The following GALNT17 variants were observed in gnomAD, a reference collection of about 807,000 sequenced individuals.
GALNT17 encodes UDP-GalNAc:polypeptide N-acetylgalactosaminyltransferase-like 3.
In GALNT17, 29 loss-of-function variants were observed where a neutral mutation model predicts 63.7. The observed-to-expected ratio is 0.46, with a 90% CI of 0.34 to 0.62. The LOEUF is 0.62. GALNT17 is among the 20% of genes least tolerant of loss of function. The probability of loss-of-function intolerance (pLI) is 0.01; values close to 1 mark genes in which losing one functional copy is unlikely to be tolerated. For synonymous variants in GALNT17, 305 were observed against 318.3 expected (o/e 0.96, Z 0.45); for missense variants, 603 against 799.6 (o/e 0.75, Z 2.97).
intron 2 of GALNT17, among the ~76,000 whole-genome samples, chr7:71,383,865 A>G (rs1792891115): frequency 6.6e-6 from 1 of 152,180 alleles, no homozygotes; most frequent in African/African-American, 2.4e-5. Context: ...TCTATTGATG[A>G]ACACCTGGAT....
intron 6 of GALNT17, among the ~76,000 whole-genome samples, chr7:71,577,749 C>T (rs866984372): frequency 3.5e-4 from 53 of 152,264 alleles, no homozygotes; most frequent in Middle Eastern, 6.8e-3. Flanking sequence ...AACCCAGATG[C>T]CTTAATTGCT....
intron 1 of GALNT17, among the ~76,000 whole-genome samples, chr7:71,171,385 C>T (rs1056266451): frequency 5.3e-5 from 8 of 152,120 alleles, no homozygotes; most frequent in African/African-American, 1.7e-4. Flanking sequence ...CCAGGAGTAG[C>T]TGTTACTGGG....
chr7:71,702,512 C>G (rs374470610), intron 9 of GALNT17, among the ~76,000 whole-genome samples: 1 of 152,114 alleles, frequency 6.6e-6, no homozygotes, highest in South Asian at 2.1e-4. Flanking sequence ...CAAGACCCAT[C>G]GCAAGGATCT....
chr7:71,320,907 G>A (rs186863431), intron 1 of GALNT17, among the ~76,000 whole-genome samples: 86 of 152,296 alleles, frequency 5.6e-4, no homozygotes, highest in Admixed American at 1.8e-3. Context: ...ATGTACCCAC[G>A]TGATAGCAGA....
chr7:71,696,450 C>A (rs567755826), intron 9 of GALNT17, among the ~76,000 whole-genome samples: 1 of 152,236 alleles, frequency 6.6e-6, no homozygotes. Context: ...TTGTTTTCTA[C>A]ACTGACTGCT....
At chr7:71,356,647 T>C (rs897752681) in intron 2 of GALNT17, among the ~76,000 whole-genome samples, 2 of 152,198 alleles carry the variant, frequency 1.3e-5, no homozygotes, top group Non-Finnish European at 2.9e-5. Context: ...ACCATGAGGA[T>C]AGCTCCAAGG....
intron 1 of GALNT17, among the ~76,000 whole-genome samples, chr7:71,249,234 C>T (rs138451966): frequency 6.6e-5 from 10 of 152,272 alleles, no homozygotes; most frequent in Non-Finnish European, 1.3e-4. Flanking sequence ...AATATACCTC[C>T]TGCAAGGATG....
chr7:71,158,605 C>A (rs916174315), intron 1 of GALNT17, among the ~76,000 whole-genome samples: 2 of 151,078 alleles, frequency 1.3e-5, no homozygotes, highest in Non-Finnish European at 2.9e-5. Context: ...GAGATGGAAT[C>A]TCGCTCTGTT....
chr7:71,234,965 G>T (rs1356466497), intron 1 of GALNT17, among the ~76,000 whole-genome samples: 1 of 152,104 alleles, frequency 6.6e-6, no homozygotes, highest in African/African-American at 2.4e-5. Flanking sequence ...AGTTCGGTCT[G>T]TTCAGCGGGG....
intron 5 of GALNT17, 96 bp downstream of exon 5, chr7:71,421,201 G>A (rs1006191529): frequency 3.5e-5 from 47 of 1,351,318 alleles, no homozygotes; most frequent in Non-Finnish European, 4.4e-5. Context: ...CCTTGGGCTC[G>A]AGCAGCTGTG....
intron 5 of GALNT17, among the ~76,000 whole-genome samples, chr7:71,530,044 A>G (rs1178006572): frequency 6.6e-6 from 1 of 152,220 alleles, no homozygotes; most frequent in Non-Finnish European, 1.5e-5. Context: ...AAGGTAAACA[A>G]GAACACATAA....
intron 5 of GALNT17, among the ~76,000 whole-genome samples, chr7:71,462,455 G>A (rs1456657593): frequency 6.6e-6 from 1 of 152,136 alleles, no homozygotes; most frequent in African/African-American, 2.4e-5. Flanking sequence ...CCAAATTTGG[G>A]ACAGGTCTCA....
At chr7:71,625,416 G>T (rs1790357545) in intron 6 of GALNT17, among the ~76,000 whole-genome samples, 1 of 152,094 alleles carries the variant, frequency 6.6e-6, no homozygotes. Context: ...AAAGTGCTGG[G>T]ATTATAGGCG....
Position 71,572,049 on chromosome 7 carries a change from TC to T in GALNT17, c.1080+649del, listed in dbSNP as rs200481154. ...AGGCATTTGTGGTTTAGTTTTTACA[TC>T]CGCAGATTTATTTTTAACAGTTTTA... On this transcript the variant is annotated intron_variant, in intron 6 of 10. Coordinates refer to ENST00000333538, the MANE Select transcript of GALNT17 (RefSeq NM_022479.3). 9.7e-4 allele frequency among the ~76,000 whole-genome samples: 147 copies of T among 151,896 alleles called. No individual in the cohort carries two copies. The East Asian group carries it at 0.026, about 27-fold the overall frequency.
At chr7:71,710,121 A>G (rs1791771353) in intron 9 of GALNT17, among the ~76,000 whole-genome samples, 1 of 152,206 alleles carries the variant, frequency 6.6e-6, no homozygotes, top group South Asian at 2.1e-4. Flanking sequence ...AGAGCCATTT[A>G]GAAATTAGAC....
At chr7:71,450,754 A>C (rs1215043934) in intron 5 of GALNT17, among the ~76,000 whole-genome samples, 1 of 152,098 alleles carries the variant, frequency 6.6e-6, no homozygotes, top group Non-Finnish European at 1.5e-5. Context: ...CAGAAATGGA[A>C]TAGGTGGTCT....
At chr7:71,504,389 C>CAATA (rs201531403) in intron 5 of GALNT17, among the ~76,000 whole-genome samples, 2,809 of 150,924 alleles carry the variant, frequency 0.019, 30 homozygotes, top group African/African-American at 0.029. Context: ...GACTCCGTCT[C>CAATA]AATAAATAAA....
intron 5 of GALNT17, among the ~76,000 whole-genome samples, chr7:71,491,654 C>T (rs1488891057): frequency 6.6e-6 from 1 of 152,150 alleles, no homozygotes; most frequent in Non-Finnish European, 1.5e-5. Flanking sequence ...TGGATCTAAA[C>T]CAGCTGTTCT....
At chr7:71,662,461 A>C (rs1395064222) in intron 6 of GALNT17, among the ~76,000 whole-genome samples, 1 of 152,074 alleles carries the variant, frequency 6.6e-6, no homozygotes, top group East Asian at 1.9e-4. Flanking sequence ...AGTATGTTTG[A>C]GCTGTGCAAA....
Sources: gnomAD v4.1 joint callset for allele counts (sites outside exome capture counted in the v4.1 genomes callset) on GRCh38, gnomAD v4.1.1 for gene constraint, MANE v1.5 for transcripts, NCBI Gene and HGNC (gene_info 2026-07-23, HGNC 2026-07-21) for gene names.